The following LMX1A variants were observed in gnomAD, a reference collection of about 807,000 sequenced individuals.
The protein encoded by LMX1A is LIM homeobox transcription factor 1-alpha.
LMX1A carries 15 observed loss-of-function variants against 49.1 expected under a neutral mutation model. That is an observed-to-expected ratio of 0.31 (90% CI 0.20 to 0.47). The LOEUF is 0.47. Ranked by LOEUF, LMX1A falls within the 20% of genes least tolerant of loss-of-function variation. The pLI, the probability that LMX1A is intolerant of heterozygous loss-of-function variation, is 1.00. For synonymous variants in LMX1A, 167 were observed against 185.7 expected (o/e 0.90, Z 0.82); for missense variants, 372 against 475.8 (o/e 0.78, Z 2.03).
intron 4 of LMX1A, among the ~76,000 whole-genome samples, chr1:165,228,675 A>T (rs1652130930): frequency 6.6e-6 from 1 of 152,166 alleles, no homozygotes; most frequent in Non-Finnish European, 1.5e-5. Context: ...TAGCTTTGTA[A>T]GGCTTATCCT....
chr1:165,316,691 G>A (rs76895517), intron 3 of LMX1A, among the ~76,000 whole-genome samples: 8,861 of 152,200 alleles, frequency 0.058, 372 homozygotes, highest in Non-Finnish European at 0.081. Context: ...ACATCCAGGC[G>A]GTTTCCCAGG....
At position 165,201,885 on chromosome 1, in the gene LMX1A, A is replaced by C. The variant is rs530596946; in HGVS notation, c.*1995T>G. 2 of 152,454 alleles carry C rather than the reference A, an allele frequency of 1.3e-5. No homozygotes were observed. The highest frequency in any genetic ancestry group is 4.2e-4 in the South Asian group (2 of 4,814). The allele number at this position is 152,454 out of a possible 1,614,324, so 9.4% of individuals were successfully genotyped here. On this transcript the variant is annotated 3_prime_UTR_variant, in exon 9 of 9. Transcript: ENST00000342310. The stretch of plus-strand genomic sequence containing the variant: ...CAACAGCTCATTTGTAAGAGATTTT[A>C]ATTTCATCTTGGTATGCCATTAAGG...
intron 3 of LMX1A, among the ~76,000 whole-genome samples, chr1:165,250,645 C>G (rs1050102510): frequency 6.6e-6 from 1 of 152,120 alleles, no homozygotes; most frequent in Non-Finnish European, 1.5e-5. Flanking sequence ...AAGCCAAAAG[C>G]AGTAAGTGCT....
At chr1:165,215,958 C>T (rs943331427) in intron 4 of LMX1A, 4 of 152,228 alleles carry the variant, frequency 2.6e-5, no homozygotes, top group Non-Finnish European at 5.9e-5. Flanking sequence ...TCCTGGCACT[C>T]AGGCGGCTCT....
chr1:165,207,447 CAGTT>C (rs1234269165), intron 7 of LMX1A: 3 of 152,146 alleles, frequency 2.0e-5, no homozygotes, highest in Admixed American at 6.5e-5. Context: ...CTGTGGAACA[CAGTT>C]AGAGTTCTAG....
intron 2 of LMX1A, among the ~76,000 whole-genome samples, chr1:165,354,537 G>A (rs919762551): frequency 6.6e-6 from 1 of 152,104 alleles, no homozygotes; most frequent in African/African-American, 2.4e-5. Flanking sequence ...TTCCCGAAAG[G>A]GGGGTTCAAA....
intron 3 of LMX1A, among the ~76,000 whole-genome samples, chr1:165,267,236 T>C (rs771225771): frequency 3.3e-5 from 5 of 152,240 alleles, no homozygotes; most frequent in Non-Finnish European, 7.3e-5. Context: ...ATATTTTATA[T>C]ACATATAATC....
intron 3 of LMX1A, among the ~76,000 whole-genome samples, chr1:165,270,664 G>A (rs1346262037): frequency 6.6e-6 from 1 of 152,128 alleles, no homozygotes; most frequent in East Asian, 1.9e-4. Context: ...TGGTTTGAGT[G>A]GGATGGAAGA....
intron 3 of LMX1A, among the ~76,000 whole-genome samples, chr1:165,261,445 T>C (rs1392309364): frequency 1.3e-5 from 2 of 152,142 alleles, no homozygotes; most frequent in African/African-American, 4.8e-5. Flanking sequence ...AGTGGGAATG[T>C]AAAATGGTGC....
intron 3 of LMX1A, among the ~76,000 whole-genome samples, chr1:165,283,715 T>C (rs192589766): frequency 6.6e-6 from 1 of 152,380 alleles, no homozygotes; most frequent in East Asian, 1.9e-4. Flanking sequence ...AGAGAAACCA[T>C]GTCTGAATGG....
intron 3 of LMX1A, among the ~76,000 whole-genome samples, chr1:165,320,980 T>A (rs1655368772): frequency 6.6e-6 from 1 of 152,106 alleles, no homozygotes; most frequent in Admixed American, 6.6e-5. Flanking sequence ...CCAAAAAAAG[T>A]TAAAACAACC....
At chr1:165,239,343 C>T (rs930174062) in intron 4 of LMX1A, among the ~76,000 whole-genome samples, 2 of 152,166 alleles carry the variant, frequency 1.3e-5, no homozygotes, top group Non-Finnish European at 1.5e-5. Context: ...TAAAGATAAA[C>T]TTTACCCAAC....
intron 4 of LMX1A, among the ~76,000 whole-genome samples, chr1:165,237,567 A>G (rs938259847): frequency 6.6e-6 from 1 of 152,204 alleles, no homozygotes; most frequent in African/African-American, 2.4e-5. Context: ...GATCAGAATC[A>G]GAAAAACAAA....
At chr1:165,298,713 C>CT (rs1345894830) in intron 3 of LMX1A, among the ~76,000 whole-genome samples, 1 of 152,194 alleles carries the variant, frequency 6.6e-6, no homozygotes, top group Non-Finnish European at 1.5e-5. Flanking sequence ...CCTCCAAGGC[C>CT]TACAGAAAGG....
rs1035600541 is a variant in LMX1A, at chr1:165,233,741, T to C, written c.496+15667A>G. On this transcript the variant is annotated intron_variant, in intron 4 of 8. Coordinates refer to ENST00000342310, the MANE Select transcript of LMX1A (RefSeq NM_177398.4). ...CTTCAACCACTCTTCCTGTATTTCA[T>C]AGTCATTTAAGTTCTAGAATTTAAG... Among the ~76,000 whole-genome samples, 28 of 152,372 alleles carry C rather than the reference T, an allele frequency of 1.8e-4. 1 individual carries two copies. Among genetic ancestry groups the C allele is most frequent in the Admixed American group, 1.6e-3 (24 of 15,310 alleles).
At chr1:165,285,141 C>T (rs995993285) in intron 3 of LMX1A, among the ~76,000 whole-genome samples, 2 of 152,202 alleles carry the variant, frequency 1.3e-5, no homozygotes, top group Non-Finnish European at 2.9e-5. Context: ...TAAGGATCTC[C>T]CAGCCTGGAG....
chr1:165,346,337 G>T (rs1489917864), intron 3 of LMX1A, among the ~76,000 whole-genome samples: 2 of 152,222 alleles, frequency 1.3e-5, no homozygotes, highest in African/African-American at 4.8e-5. Flanking sequence ...ATCTTGAAAG[G>T]CTGGAAGAGA....
At chr1:165,206,569 C>A (rs1033148348) in intron 7 of LMX1A, among the ~76,000 whole-genome samples, 3 of 152,160 alleles carry the variant, frequency 2.0e-5, no homozygotes, top group African/African-American at 7.2e-5. Flanking sequence ...ACCTTTGGAG[C>A]GCCTTTAGAA....
At chr1:165,339,761 C>T (rs1006886804) in intron 3 of LMX1A, among the ~76,000 whole-genome samples, 1 of 152,136 alleles carries the variant, frequency 6.6e-6, no homozygotes, top group African/African-American at 2.4e-5. Context: ...TGGGAAGGAG[C>T]AAAGCAGGGG....
Sources: gnomAD v4.1 joint callset for allele counts (sites outside exome capture counted in the v4.1 genomes callset) on GRCh38, gnomAD v4.1.1 for gene constraint, MANE v1.5 for transcripts, NCBI Gene and HGNC (gene_info 2026-07-23, HGNC 2026-07-21) for gene names.